Variants in SCEL observed in about 807,000 individuals in gnomAD.
The protein encoded by SCEL is sciellin.
In SCEL, 113 loss-of-function variants were observed where a neutral mutation model predicts 117.6. That is an observed-to-expected ratio of 0.96 (90% confidence interval 0.83 to 1.12). SCEL has a LOEUF of 1.12. Ranked by LOEUF, SCEL falls within the 50% of genes most tolerant of loss-of-function variation. The pLI is 0.00. For synonymous variants in SCEL, 270 were observed against 256.2 expected (o/e 1.05, Z -0.51); for missense variants, 785 against 810.8 (o/e 0.97, Z 0.39).
chr13:77,546,485 CAT>C (rs1165238701), intron 1 of SCEL, among the ~76,000 whole-genome samples: 1 of 152,124 alleles, frequency 6.6e-6, no homozygotes, highest in Non-Finnish European at 1.5e-5. Flanking sequence ...GTGCATAAAA[CAT>C]GTGGTACAGC....
At chr13:77,636,950 TG>T (rs1328131135) in intron 29 of SCEL, among the ~76,000 whole-genome samples, 169 bp from the exon 30 acceptor site, 1 of 152,142 alleles carries the variant, frequency 6.6e-6, no homozygotes, top group African/African-American at 2.4e-5. Flanking sequence ...GGGGGTGACT[TG>T]TGTATCAATA....
chr13:77,579,277 G>T (rs1164452169), intron 9 of SCEL, among the ~76,000 whole-genome samples: 1 of 152,230 alleles, frequency 6.6e-6, no homozygotes, highest in Non-Finnish European at 1.5e-5. Flanking sequence ...TATTATTGCA[G>T]TGTACTCATC....
At position 77,625,724 on chromosome 13, in the gene SCEL, A is replaced by AC. The variant is rs558400885; in HGVS notation, c.1629-2219dup. 1.9e-3 allele frequency among the ~76,000 whole-genome samples: 295 copies of AC among 152,318 alleles called. 1 individual carries two copies. Among genetic ancestry groups the AC allele is most frequent in the Middle Eastern group, 0.014 (4 of 294 alleles). ...TTATGTAAAAAGAGTATTAAATCTC[A>AC]CCCCACATAAACATGAGAACATTTT... On this transcript the variant is annotated intron_variant, in intron 27 of 32. Transcript: ENST00000349847.
At chr13:77,591,517 TCAGCA>T in intron 11 of SCEL, 57 bp downstream of exon 11, 3 of 997,700 alleles carry the variant, frequency 3.0e-6, no homozygotes, top group Non-Finnish European at 4.6e-6. Context: ...GTATGCTTTC[TCAGCA>T]CATTAAAAAA....
At chr13:77,593,271 T>C (rs184554063) in intron 11 of SCEL, among the ~76,000 whole-genome samples, 2 of 104,516 alleles carry the variant, frequency 1.9e-5, no homozygotes, top group African/African-American at 1.1e-4. Flanking sequence ...TGTGTGTGTG[T>C]GTGTGTGTGT....
rs1006099614 is a variant in SCEL at position 77,558,386 on chromosome 13, A to C, written c.162-1418A>C. On this transcript the variant is annotated intron_variant, in intron 3 of 32. Coordinates refer to ENST00000349847, the MANE Select transcript of SCEL (RefSeq NM_144777.3). Reference sequence around the variant, plus strand: ...TATCTGCTCCTCTTTCAAAAATTTCATTAAGAGATATGGAGGAAGATAGGA... The same window carrying C: ...TATCTGCTCCTCTTTCAAAAATTTCCTTAAGAGATATGGAGGAAGATAGGA... Among the ~76,000 whole-genome samples, 12 of 152,200 alleles carry C rather than the reference A, an allele frequency of 7.9e-5. No homozygotes were observed. The East Asian group carries it at 2.3e-3, about 29-fold the overall frequency.
At chr13:77,637,077 G>T in intron 29 of SCEL, 43 bp from the exon 30 acceptor site, 1 of 1,009,534 alleles carries the variant, frequency 9.9e-7, no homozygotes. Context: ...TCTACATAAG[G>T]AAAATCACCT....
intron 1 of SCEL, among the ~76,000 whole-genome samples, chr13:77,553,342 T>A (rs918772462): frequency 6.6e-6 from 1 of 152,216 alleles, no homozygotes; most frequent in Non-Finnish European, 1.5e-5. Context: ...TTACTGTCTC[T>A]GCAGATGTAT....
At chr13:77,643,633 TG>T (rs2090664593) in intron 32 of SCEL, among the ~76,000 whole-genome samples, 1 of 152,092 alleles carries the variant, frequency 6.6e-6, no homozygotes, top group Admixed American at 6.6e-5. Flanking sequence ...GACCCCTACC[TG>T]GGATCCAAAG....
chr13:77,637,239 G>GAC (rs35846521), intron 30 of SCEL, 45 bp downstream of exon 30: 61,293 of 701,404 alleles, frequency 0.087, 5,453 homozygotes, highest in East Asian at 0.29. Context: ...CACACATACA[G>GAC]ACACACACAC....
At chr13:77,626,441 C>T (rs572142773) in intron 27 of SCEL, among the ~76,000 whole-genome samples, 5 of 152,174 alleles carry the variant, frequency 3.3e-5, no homozygotes, top group African/African-American at 1.2e-4. Context: ...CATTAGTGTC[C>T]TTCTTTACAA....
chr13:77,554,908 T>C (rs1220706667), intron 1 of SCEL, among the ~76,000 whole-genome samples: 2 of 152,178 alleles, frequency 1.3e-5, no homozygotes, highest in Admixed American at 6.5e-5. Flanking sequence ...TCCAGGACTT[T>C]TCTGGTTTGA....
chr13:77,568,309 T>A lies in SCEL; in HGVS notation c.374T>A (p.Phe125Tyr). The change falls in exon 7 of 33, where the codon TTT becomes TAT. Residue 125 changes from phenylalanine to tyrosine, a missense_variant. Physicochemically the swap from Phe to Tyr is conservative, Grantham distance 22. Coordinates refer to ENST00000349847, the MANE Select transcript of SCEL (RefSeq NM_144777.3). Reference protein sequence around the residue: ...NQLTNRSMSMFRSLEVTKLQP... With the variant: ...NQLTNRSMSMYRSLEVTKLQP... ...TCTCTTACCAGGAGCATGTCCATGT[T>A]TAGATCACTGGAAGTAACAAAGTTG... 6.4e-7 allele frequency: 1 copy of A among 1,569,170 alleles called. No homozygotes were observed. Among genetic ancestry groups the A allele is most frequent in the Non-Finnish European group, 8.7e-7 (1 of 1,144,026 alleles).
intron 9 of SCEL, among the ~76,000 whole-genome samples, chr13:77,574,015 A>G (rs1471298290): frequency 6.6e-6 from 1 of 152,222 alleles, no homozygotes; most frequent in Non-Finnish European, 1.5e-5. Flanking sequence ...GTTAAGATCC[A>G]TTCAATTTTG....
intron 22 of SCEL, among the ~76,000 whole-genome samples, chr13:77,612,531 G>A (rs1476579684): frequency 7.4e-6 from 1 of 135,682 alleles, no homozygotes; most frequent in Admixed American, 8.3e-5. Flanking sequence ...GGGGAGCAAG[G>A]AACATATGGA....
chr13:77,578,395 G>T (rs552832452), intron 9 of SCEL, among the ~76,000 whole-genome samples: 4 of 152,044 alleles, frequency 2.6e-5, no homozygotes, highest in Non-Finnish European at 5.9e-5. Flanking sequence ...ATGTCTAGTT[G>T]GTGTCACTCA....
intron 1 of SCEL, among the ~76,000 whole-genome samples, chr13:77,551,676 T>A (rs866789099): frequency 6.6e-6 from 1 of 152,122 alleles, no homozygotes. Context: ...GGCCTCGTTT[T>A]TTTGTTTGTT....
chr13:77,609,242 CT>C (rs1289329159), intron 21 of SCEL, 125 bp downstream of exon 21: 5 of 733,850 alleles, frequency 6.8e-6, no homozygotes, highest in Non-Finnish European at 1.1e-5. Context: ...TGTAACCCTG[CT>C]ACCTCACATC....
chr13:77,566,614 C>CT (rs2154397061), intron 5 of SCEL, among the ~76,000 whole-genome samples: 1 of 152,268 alleles, frequency 6.6e-6, no homozygotes, highest in African/African-American at 2.4e-5. Context: ...GGTAGAGTAA[C>CT]TTTTTAACAA....
Sources: allele counts gnomAD v4.1 joint callset (sites outside exome capture counted in the v4.1 genomes callset), GRCh38; gene constraint gnomAD v4.1.1; transcripts MANE v1.5; gene names NCBI Gene and HGNC (gene_info 2026-07-23, HGNC 2026-07-21).